The following PCLO variants were observed in gnomAD, a reference collection of about 807,000 sequenced individuals.
The protein encoded by PCLO is protein piccolo.
PCLO carries 82 observed loss-of-function variants against 427.5 expected under a neutral mutation model. The ratio of observed to expected loss-of-function variants is 0.19; its 90% CI spans 0.16 to 0.23. The LOEUF (loss-of-function observed/expected upper bound fraction) is 0.23. Among genes scored for constraint, PCLO ranks in the 10% least tolerant of loss-of-function variants. The pLI is 1.00. For missense variants in PCLO, 6,239 were observed against 6,115.9 expected (o/e 1.02, Z -0.67); for synonymous variants, 2,357 against 2,155.4 (o/e 1.09, Z -2.59).
At chr7:82,832,800 TACACACACACACACACACAC>T (rs10645073) in intron 16 of PCLO, among the ~76,000 whole-genome samples, 92 of 140,696 alleles carry the variant, frequency 6.5e-4, no homozygotes, top group African/African-American at 2.2e-3. Context: ...CTAAACTTAC[TACACACACACACACACACAC>T]ACACACACAC....
At chr7:83,114,976 A>G (rs988658727) in intron 3 of PCLO, among the ~76,000 whole-genome samples, 2 of 152,048 alleles carry the variant, frequency 1.3e-5, no homozygotes, top group African/African-American at 4.8e-5. Flanking sequence ...CTTCTGCATC[A>G]ATGTGATTTT....
rs768606625 is a variant in PCLO at position 83,135,581 on chromosome 7, G to C, written c.1969C>G (p.Pro657Ala). 3 of 1,613,402 alleles carry C rather than the reference G, an allele frequency of 1.9e-6. No homozygotes were observed. The South Asian group carries it at 3.3e-5, about 18-fold the overall frequency. Reference sequence around the variant, plus strand: ...GGTGCAGTCTTCAGTTTGGGCTGGGGTGATGACGGAACTGGAGCCAGATCC... The same window carrying C: ...GGTGCAGTCTTCAGTTTGGGCTGGGCTGATGACGGAACTGGAGCCAGATCC... ...GGDLAPVPSS[P>A]QPKLKTAPVT... Residue 657 changes from proline (P) to alanine (A), a missense_variant, in exon 3 of 25, where the codon CCC (proline) becomes GCC (alanine). Transcript: ENST00000333891.
chr7:82,818,460 G>T (rs1475740350), intron 20 of PCLO, among the ~76,000 whole-genome samples: 1 of 152,026 alleles, frequency 6.6e-6, no homozygotes, highest in Non-Finnish European at 1.5e-5. Context: ...CCTTTTGTTG[G>T]GTTAAATCAA....
rs1185314824 is a variant in PCLO at position 83,155,231 on chromosome 7, A to T, written c.1410T>A (p.Pro470=). The change falls in exon 2 of 25, where the codon CCT becomes CCA. Residue 470 remains proline (P), a synonymous_variant. Coordinates refer to ENST00000333891, the MANE Select transcript of PCLO (RefSeq NM_033026.6). ...SAQQTGPTKP[P]SQLPGPAKPP... is the part of the protein sequence containing the mutation. ...GCTTTGCTGGGCCAGGCAGTTGTGAAGGAGGCTTTGTTGGGCCAGTCTGCT... is the reference window on the plus strand; with the variant it reads ...GCTTTGCTGGGCCAGGCAGTTGTGATGGAGGCTTTGTTGGGCCAGTCTGCT... 6.2e-7 allele frequency: 1 copy of T among 1,612,324 alleles called. No homozygotes were observed. Among genetic ancestry groups the T allele is most frequent in the Non-Finnish European group, 8.5e-7 (1 of 1,179,464 alleles).
chr7:83,121,226 T>C (rs1791269576), intron 3 of PCLO, among the ~76,000 whole-genome samples: 1 of 148,330 alleles, frequency 6.7e-6, no homozygotes, highest in Non-Finnish European at 1.5e-5. Context: ...GGGGAGGGAG[T>C]GGAAGAAGTT....
chr7:82,780,940 T>G (rs1437275830), intron 22 of PCLO, among the ~76,000 whole-genome samples: 2 of 152,186 alleles, frequency 1.3e-5, no homozygotes, highest in Non-Finnish European at 2.9e-5. Context: ...GATTGGGCTA[T>G]AACTTTAGCT....
intron 22 of PCLO, among the ~76,000 whole-genome samples, chr7:82,793,416 G>A (rs1791148871): frequency 6.6e-6 from 1 of 152,114 alleles, no homozygotes; most frequent in Non-Finnish European, 1.5e-5. Flanking sequence ...CCCATATGTT[G>A]AGAAAACAAA....
At chr7:83,159,640 G>A (rs1463188388) in intron 1 of PCLO, among the ~76,000 whole-genome samples, 1 of 151,940 alleles carries the variant, frequency 6.6e-6, no homozygotes, top group Non-Finnish European at 1.5e-5. Context: ...CCCCTAAGAT[G>A]AGGAAAACAT....
intron 1 of PCLO, among the ~76,000 whole-genome samples, chr7:83,158,423 T>C (rs1276590179): frequency 6.6e-6 from 1 of 151,994 alleles, no homozygotes; most frequent in Non-Finnish European, 1.5e-5. Context: ...TGCTTAGGGC[T>C]GATTACAGGT....
chr7:83,098,783 C>T (rs184586614), intron 3 of PCLO, among the ~76,000 whole-genome samples: 277 of 152,186 alleles, frequency 1.8e-3, no homozygotes, highest in Non-Finnish European at 2.9e-3. Context: ...AACATGTAAT[C>T]TTCCTTTGTT....
intron 3 of PCLO, among the ~76,000 whole-genome samples, chr7:83,095,535 C>T (rs1030720285): frequency 3.3e-5 from 5 of 151,570 alleles, no homozygotes; most frequent in Middle Eastern, 3.4e-3. Flanking sequence ...TAATCTGAGA[C>T]GTTTTCTCTT....
intron 6 of PCLO, among the ~76,000 whole-genome samples, chr7:82,946,002 C>A (rs1253215899): frequency 6.6e-6 from 1 of 152,100 alleles, no homozygotes; most frequent in African/African-American, 2.4e-5. Context: ...AGTAAGGAGC[C>A]ATCATAAAAT....
intron 20 of PCLO, among the ~76,000 whole-genome samples, chr7:82,817,413 C>T (rs867593909): frequency 7.9e-5 from 12 of 152,192 alleles, no homozygotes; most frequent in Middle Eastern, 3.4e-3. Flanking sequence ...ACAGGGAAGG[C>T]TAAATTCCTT....
At chr7:83,124,808 G>C (rs2116577575) in intron 3 of PCLO, among the ~76,000 whole-genome samples, 1 of 152,188 alleles carries the variant, frequency 6.6e-6, no homozygotes, top group South Asian at 2.1e-4. Flanking sequence ...CTCTGTTGCT[G>C]AGGCTGGACT....
intron 3 of PCLO, among the ~76,000 whole-genome samples, chr7:83,019,804 TAGAGAATCCATC>T (rs1171992739): frequency 2.0e-5 from 3 of 152,190 alleles, no homozygotes; most frequent in African/African-American, 7.2e-5. Context: ...AAATTATGAC[TAGAGAATCCATC>T]AGACTCTGGG....
chr7:83,040,580 T>TC (rs1187394729), intron 3 of PCLO, among the ~76,000 whole-genome samples: 72 of 152,226 alleles, frequency 4.7e-4, no homozygotes, highest in African/African-American at 1.0e-3. Flanking sequence ...AGCTGTCTCT[T>TC]CCCCAGTTAA....
chr7:83,099,097 A>G (rs549411574), intron 3 of PCLO, among the ~76,000 whole-genome samples: 1 of 151,992 alleles, frequency 6.6e-6, no homozygotes, highest in East Asian at 1.9e-4. Flanking sequence ...TAAATTAAAT[A>G]CAAGTTTAAT....
At position 83,113,973 on chromosome 7, in the gene PCLO, A is replaced by C. The variant is rs73707550; in HGVS notation, c.3300+20277T>G. Among the ~76,000 whole-genome samples, 1,144 of 152,220 alleles carry C rather than the reference A, an allele frequency of 7.5e-3. 8 individuals are homozygous for C. Among genetic ancestry groups the C allele is most frequent in the African/African-American group, 0.026 (1,080 of 41,552 alleles). ...TCTTTCTAATCCTTCTATACCTTAA[A>C]AGAAATATATAAGGGGATACATATT... On this transcript the variant is annotated intron_variant, in intron 3 of 24. Coordinates refer to ENST00000333891, the MANE Select transcript of PCLO (RefSeq NM_033026.6).
At chr7:82,983,658 T>C (rs1796197230) in intron 3 of PCLO, among the ~76,000 whole-genome samples, 1 of 150,510 alleles carries the variant, frequency 6.6e-6, no homozygotes. Context: ...ATTTAAAACA[T>C]GAGTTTATAA....
Sources: allele counts gnomAD v4.1 joint callset (sites outside exome capture counted in the v4.1 genomes callset), GRCh38; gene constraint gnomAD v4.1.1; transcripts MANE v1.5; gene names NCBI Gene and HGNC (gene_info 2026-07-23, HGNC 2026-07-21).